CCSER1: variants seen among roughly 807,000 people sequenced by gnomAD.
The protein encoded by CCSER1 is coiled-coil serine rich protein 1, also known as serine-rich coiled-coil domain-containing protein 1.
A neutral mutation model predicts 82.0 loss-of-function variants in CCSER1; 41 were observed. The observed-to-expected ratio is 0.50, with a 90% CI of 0.39 to 0.65. The LOEUF is 0.65. Ranked by LOEUF, CCSER1 falls within the 30% of genes least tolerant of loss-of-function variation. The pLI, the probability that CCSER1 is intolerant of heterozygous loss-of-function variation, is 0.00. For synonymous variants in CCSER1, 414 were observed against 383.9 expected (o/e 1.08, Z -0.92); for missense variants, 1,119 against 1,064.2 (o/e 1.05, Z -0.72).
chr4:90,932,680 T>C (rs1372787344), intron 9 of CCSER1, among the ~76,000 whole-genome samples: 1 of 151,012 alleles, frequency 6.6e-6, no homozygotes, highest in South Asian at 2.1e-4. Flanking sequence ...TTATAAAAAT[T>C]AGCCTGGCGT....
chr4:90,946,520 A>G (rs1390324910), intron 9 of CCSER1, among the ~76,000 whole-genome samples: 1 of 151,572 alleles, frequency 6.6e-6, no homozygotes, highest in Non-Finnish European at 1.5e-5. Flanking sequence ...AATCCCAACT[A>G]TTCTGGAGGC....
chr4:91,260,400 C>T (rs945702997), intron 10 of CCSER1, among the ~76,000 whole-genome samples: 1 of 152,220 alleles, frequency 6.6e-6, no homozygotes, highest in Non-Finnish European at 1.5e-5. Context: ...GTAATAACTA[C>T]TGTTTCATAG....
chr4:90,645,683 A>T (rs778849203), intron 6 of CCSER1, among the ~76,000 whole-genome samples: 15 of 152,228 alleles, frequency 9.9e-5, no homozygotes, highest in Non-Finnish European at 1.9e-4. Context: ...TCATAAAAAC[A>T]TGCTTTGATA....
intron 9 of CCSER1, among the ~76,000 whole-genome samples, chr4:91,020,518 C>T (rs912624496): frequency 5.9e-5 from 9 of 151,890 alleles, no homozygotes; most frequent in Admixed American, 2.0e-4. Flanking sequence ...AAAAATTAGC[C>T]GGGTGTGGTG....
intron 8 of CCSER1, among the ~76,000 whole-genome samples, chr4:90,860,164 A>G (rs141312387): frequency 4.6e-5 from 7 of 151,822 alleles, no homozygotes; most frequent in African/African-American, 1.7e-4. Flanking sequence ...ATAAAAAGAA[A>G]AATAACCTAG....
chr4:90,490,670 C>G (rs1030080375), intron 5 of CCSER1, among the ~76,000 whole-genome samples: 8 of 152,082 alleles, frequency 5.3e-5, no homozygotes, highest in African/African-American at 1.9e-4. Flanking sequence ...ACATGTAAGT[C>G]TTTAATCCAT....
intron 1 of CCSER1, among the ~76,000 whole-genome samples, chr4:90,223,290 CTG>C (rs1459341406): frequency 2.0e-5 from 3 of 152,014 alleles, no homozygotes; most frequent in Non-Finnish European, 4.4e-5. Context: ...TGTCAAAAGA[CTG>C]TAAGTATGTG....
chr4:91,221,202 G>A (rs1056437269), intron 10 of CCSER1, among the ~76,000 whole-genome samples: 1 of 151,772 alleles, frequency 6.6e-6, no homozygotes, highest in African/African-American at 2.4e-5. Flanking sequence ...TATTTGTCTT[G>A]TATTTTTTCT....
chr4:90,583,355 G>A (rs1781632508), intron 5 of CCSER1, among the ~76,000 whole-genome samples: 1 of 151,892 alleles, frequency 6.6e-6, no homozygotes. Flanking sequence ...TAGTAGAGAT[G>A]GGGTTTCACC....
rs1210897633 is a variant in CCSER1, at chr4:91,385,552, A to G, written c.2218-213020A>G. Among the ~76,000 whole-genome samples the G allele has an allele frequency of 2.0e-5, 3 of 152,078 alleles. No homozygotes were observed. The East Asian group carries it at 5.8e-4, about 29-fold the overall frequency. On this transcript the variant is annotated intron_variant, in intron 10 of 10. Transcript: ENST00000509176. ...TATTTAAAAAATTTAAAGAGATAGG[A>G]AGTAAACAAAAAACTAAAACTGATA...
chr4:91,514,937 CT>C (rs1760024182), intron 10 of CCSER1, among the ~76,000 whole-genome samples: 1 of 151,970 alleles, frequency 6.6e-6, no homozygotes, highest in Non-Finnish European at 1.5e-5. Flanking sequence ...TGGATGATGC[CT>C]GCCTACATTA....
chr4:91,155,917 C>G (rs1202392426), intron 10 of CCSER1, among the ~76,000 whole-genome samples: 2 of 151,714 alleles, frequency 1.3e-5, no homozygotes, highest in Non-Finnish European at 2.9e-5. Flanking sequence ...TCCTTAAAAA[C>G]TGAACACTGA....
intron 9 of CCSER1, among the ~76,000 whole-genome samples, chr4:90,996,268 C>T (rs1034444865): frequency 2.0e-5 from 3 of 152,026 alleles, no homozygotes; most frequent in African/African-American, 7.2e-5. Flanking sequence ...TTTAATAAGG[C>T]AATCTTTAAC....
intron 10 of CCSER1, among the ~76,000 whole-genome samples, chr4:91,202,371 T>A (rs11097306): frequency 0.4 from 61,244 of 151,678 alleles, 13,113 homozygotes; most frequent in East Asian, 0.86. Context: ...TTAGTCCACG[T>A]CTTAGAATCA....
chr4:90,967,231 T>G (rs534409353), intron 9 of CCSER1, among the ~76,000 whole-genome samples: 13 of 152,060 alleles, frequency 8.5e-5, no homozygotes, highest in African/African-American at 3.1e-4. Context: ...GAAGATCAGC[T>G]GAGGTGAGGA....
chr4:91,238,869 G>C (rs1739226560), intron 10 of CCSER1, among the ~76,000 whole-genome samples: 1 of 151,768 alleles, frequency 6.6e-6, no homozygotes, highest in Non-Finnish European at 1.5e-5. Context: ...GGTCACCCAG[G>C]CTAGAGTGCA....
At chr4:91,076,863 T>C (rs1722053631) in intron 9 of CCSER1, among the ~76,000 whole-genome samples, 1 of 152,192 alleles carries the variant, frequency 6.6e-6, no homozygotes, top group African/African-American at 2.4e-5. Flanking sequence ...CATAACTTCA[T>C]GGTATTCAAA....
intron 9 of CCSER1, among the ~76,000 whole-genome samples, chr4:90,932,976 A>G (rs559462779): frequency 0.015 from 580 of 38,680 alleles, 144 homozygotes; most frequent in African/African-American, 0.061. Context: ...GAAAGAAAGA[A>G]AGAAAGAGAA....
At chr4:91,433,465 T>C (rs1375746476) in intron 10 of CCSER1, among the ~76,000 whole-genome samples, 1 of 152,208 alleles carries the variant, frequency 6.6e-6, no homozygotes, top group Admixed American at 6.5e-5. Flanking sequence ...CAGCTTCCAG[T>C]ACTGCAACCT....
Sources: allele counts gnomAD v4.1 joint callset (sites outside exome capture counted in the v4.1 genomes callset), GRCh38; gene constraint gnomAD v4.1.1; transcripts MANE v1.5; gene names NCBI Gene and HGNC (gene_info 2026-07-23, HGNC 2026-07-21).